IQCF3: variants seen among roughly 807,000 people sequenced by gnomAD.
IQCF3 encodes IQ motif containing F3.
In IQCF3, 7 loss-of-function variants were observed where a neutral mutation model predicts 5.1. The ratio of observed to expected loss-of-function variants is 1.36; its 90% CI spans 0.78 to 2.56. The LOEUF (loss-of-function observed/expected upper bound fraction) is 2.56. Among genes scored for constraint, IQCF3 ranks in the 30% most tolerant of loss-of-function variants. The pLI, the probability that IQCF3 is intolerant of heterozygous loss-of-function variation, is 0.00. For missense variants in IQCF3, 189 were observed against 196.5 expected, an observed-to-expected ratio of 0.96 and a Z score of 0.23; for synonymous variants, 82 against 72.8, an observed-to-expected ratio of 1.13 and a Z score of -0.64.
chr3:51,829,298 G>A, upstream of IQCF3: 3 of 659,290 alleles, frequency 4.6e-6, no homozygotes, highest in Non-Finnish European at 5.4e-6. Context: ...AAGTCAACAG[G>A]AGAGCCAGGT....
chr3:51,829,784 G>A, intron 2 of IQCF3, 72 bp downstream of exon 2: 1 of 1,462,770 alleles, frequency 6.8e-7, no homozygotes, highest in Admixed American at 1.8e-5. Context: ...TTAGAATGGA[G>A]ATCCATCTCT....
In IQCF3 at chr3:51,830,316, C is replaced by T; in HGVS notation, c.67-87C>T. Reference sequence around the variant, plus strand: ...ACCCAGGTCTCCTGGGTCCTCAAAACCAGCAGGGAGAGGGCTGATTCTTTA... The same window carrying T: ...ACCCAGGTCTCCTGGGTCCTCAAAATCAGCAGGGAGAGGGCTGATTCTTTA... On this transcript the variant is annotated intron_variant, in intron 2 of 2. Transcript: ENST00000440739. The surrounding 1 kb of genome is among the most constrained non-coding windows in gnomAD (Gnocchi z 4.1). 6.8e-7 allele frequency: 1 copy of T among 1,476,330 alleles called. No homozygotes were observed. Among genetic ancestry groups the T allele is most frequent in the South Asian group, 1.4e-5 (1 of 71,640 alleles). 91.5% of individuals were successfully genotyped at this position (1,476,330 alleles called of 1,614,324 possible).
At chr3:51,829,830 C>A in intron 2 of IQCF3, 118 bp downstream of exon 2, 2 of 1,016,124 alleles carry the variant, frequency 2.0e-6, no homozygotes, top group Non-Finnish European at 3.0e-6. Context: ...TCAAGCCCTC[C>A]CTCTCCTTGG....
upstream of IQCF3, chr3:51,827,494 T>A (rs1189701908): frequency 6.6e-6 from 1 of 152,012 alleles, no homozygotes; most frequent in Non-Finnish European, 1.5e-5. Context: ...ATACTGTCCT[T>A]TTTTATTAAT....
Position 51,830,747 on chromosome 3 carries a change from A to G in IQCF3, c.411A>G (p.Gln137=), listed in dbSNP as rs1463790805. The change falls in exon 3 of 3, where the codon CAA becomes CAG. Residue 137 remains glutamine, a synonymous_variant. Coordinates refer to ENST00000440739, the MANE Select transcript of IQCF3 (RefSeq NM_001393887.1). The surrounding 1 kb of genome is among the most constrained non-coding windows in gnomAD (Gnocchi z 4.1). ...AGACTGATGGCTTTTTACAGGTCCA[A>G]TATGCAATCCCTTCAAAGCAGCCAG... ...AFQTDGFLQV[Q]YAIPSKQPEF... The G allele has an allele frequency of 6.2e-7, 1 of 1,610,756 alleles. No homozygotes were observed. Among genetic ancestry groups the G allele is most frequent in the South Asian group, 1.1e-5 (1 of 90,632 alleles).
At chr3:51,828,839 G>T (rs1473407281), upstream of IQCF3, 2 of 152,050 alleles carry the variant, frequency 1.3e-5, no homozygotes, top group Admixed American at 1.3e-4. Context: ...CAATTTCAGA[G>T]CTCATTATTA....
rs371503129 is a variant in IQCF3, at chr3:51,830,756, C to A, written c.420C>A (p.Ile140=). ...TDGFLQVQYA[I]PSKQPEFHIE... ...GCTTTTTACAGGTCCAATATGCAAT[C>A]CCTTCAAAGCAGCCAGAGTTCCACA... Residue 140 remains isoleucine, a synonymous_variant, in exon 3 of 3, where the codon ATC becomes ATA. Transcript: ENST00000440739. This position sits in a 1 kb window ranked among gnomAD's most constrained non-coding sequence, Gnocchi z 4.1. 10 of 1,600,466 alleles carry A rather than the reference C, an allele frequency of 6.2e-6. No individual in the cohort carries two copies. In the African/African-American group the frequency reaches 1.3e-4, roughly 21 times the overall value.
Position 51,830,626 on chromosome 3 carries a change from A to T in IQCF3, c.290A>T (p.Gln97Leu). 8.1e-6 allele frequency: 13 copies of T among 1,614,024 alleles called. No individual in the cohort carries two copies. Among genetic ancestry groups the T allele is most frequent in the Non-Finnish European group, 1.0e-5 (12 of 1,179,886 alleles). Residue 97 changes from glutamine to leucine, a missense_variant, in exon 3 of 3, where the codon CAG becomes CTG. Coordinates refer to ENST00000440739, the MANE Select transcript of IQCF3 (RefSeq NM_001393887.1). This position sits in a 1 kb window ranked among gnomAD's most constrained non-coding sequence, Gnocchi z 4.1. Reference protein sequence around the residue: ...VIQEQATVKLQSCIRMWQCRQ... With the variant: ...VIQEQATVKLLSCIRMWQCRQ... ...CAGGAGCAGGCGACGGTCAAGCTCC[A>T]GTCCTGCATCCGCATGTGGCAGTGC...
intron 1 of IQCF3, 64 bp from the exon 2 acceptor site, chr3:51,829,601 G>T (rs1362172906): frequency 6.2e-7 from 1 of 1,601,972 alleles, no homozygotes; most frequent in Non-Finnish European, 8.5e-7. Context: ...AACTGGGCCT[G>T]TGGGGACTTT....
At chr3:51,827,784 A>G (rs932394786), upstream of IQCF3, among the ~76,000 whole-genome samples, 5 of 152,078 alleles carry the variant, frequency 3.3e-5, no homozygotes, top group African/African-American at 1.2e-4. Flanking sequence ...AGTACTCAAT[A>G]GTTACTTTTC....
chr3:51,827,476 G>A (rs1437902813), upstream of IQCF3: 2 of 151,892 alleles, frequency 1.3e-5, no homozygotes, highest in Non-Finnish European at 2.9e-5. Context: ...GAATAAGACA[G>A]GAAATGCATA....
Position 51,830,582 on chromosome 3 carries a change from G to C in IQCF3, c.246G>C (p.Leu82=). 1.2e-6 allele frequency: 2 copies of C among 1,613,972 alleles called. No homozygotes were observed. The highest frequency in any genetic ancestry group is 1.7e-6 in the Non-Finnish European group (2 of 1,179,854). Residue 82 remains leucine (L), a synonymous_variant, in exon 3 of 3, where the codon CTG becomes CTC. Coordinates refer to ENST00000440739, the MANE Select transcript of IQCF3 (RefSeq NM_001393887.1). This position sits in a 1 kb window ranked among gnomAD's most constrained non-coding sequence, Gnocchi z 4.1. The part of the protein sequence containing the change: ...QRRIRQRRQA[L]LRVYVIQEQA... ...GGATCCGTCAGCGGCGGCAGGCCCT[G>C]TTGAGGGTCTACGTCATCCAGGAGC...
chr3:51,829,878 G>A, intron 2 of IQCF3, 166 bp downstream of exon 2: 1 of 699,356 alleles, frequency 1.4e-6, no homozygotes, highest in Non-Finnish European at 2.4e-6. Flanking sequence ...AGTAAAAGGG[G>A]AGGAAGTTTC....
chr3:51,829,777 G>T, intron 2 of IQCF3, 65 bp downstream of exon 2: 1 of 1,504,288 alleles, frequency 6.6e-7, no homozygotes, highest in South Asian at 1.2e-5. Flanking sequence ...AGAGTTCTTA[G>T]AATGGAGATC....
intron 2 of IQCF3, 49 bp downstream of exon 2, chr3:51,829,761 GATC>G: frequency 6.4e-7 from 1 of 1,567,044 alleles, no homozygotes; most frequent in Middle Eastern, 1.7e-4. Context: ...TTGACTCTTT[GATC>G]CCAGAGTTCT....
Position 51,830,664 on chromosome 3 carries a change from C to G in IQCF3, c.328C>G (p.Arg110Gly), listed in dbSNP as rs186700809. 49 of 1,614,040 alleles carry G rather than the reference C, an allele frequency of 3.0e-5. No individual in the cohort carries two copies. Among genetic ancestry groups the G allele is most frequent in the Non-Finnish European group, 4.0e-5 (47 of 1,179,896 alleles). ...IRMWQCRQCYRQMCNALCLFQ... is the reference protein window; with the variant it reads ...IRMWQCRQCYGQMCNALCLFQ... ...CATGTGGCAGTGCCGGCAATGTTAC[C>G]GCCAAATGTGCAATGCTCTCTGCTT... The change falls in exon 3 of 3, where the codon CGC becomes GGC. Residue 110 changes from arginine to glycine, a missense_variant. Transcript: ENST00000440739. The surrounding 1 kb of genome is among the most constrained non-coding windows in gnomAD (Gnocchi z 4.1).
rs1020909508 is a variant in IQCF3 at position 51,830,628 on chromosome 3, T to G, written c.292T>G (p.Ser98Ala). 4 of 1,613,902 alleles carry G rather than the reference T, an allele frequency of 2.5e-6. No homozygotes were observed. The highest frequency in any genetic ancestry group is 3.4e-6 in the Non-Finnish European group (4 of 1,179,898). ...GGAGCAGGCGACGGTCAAGCTCCAG[T>G]CCTGCATCCGCATGTGGCAGTGCCG... ...IQEQATVKLQSCIRMWQCRQC... is the reference protein window; with the variant it reads ...IQEQATVKLQACIRMWQCRQC... The change falls in exon 3 of 3, where the codon TCC (serine) becomes GCC (alanine). Residue 98 changes from serine to alanine, a missense_variant. By Grantham distance (99) the Ser-to-Ala change is moderately conservative. Coordinates refer to ENST00000440739, the MANE Select transcript of IQCF3 (RefSeq NM_001393887.1). This position sits in a 1 kb window ranked among gnomAD's most constrained non-coding sequence, Gnocchi z 4.1.
At chr3:51,829,208 C>A, upstream of IQCF3, 2 of 512,528 alleles carry the variant, frequency 3.9e-6, no homozygotes, top group South Asian at 2.5e-5. Flanking sequence ...GAAAGGCAAC[C>A]ATGAAAAAAG....
chr3:51,829,079 A>G (rs1698328014), upstream of IQCF3, among the ~76,000 whole-genome samples: 1 of 152,244 alleles, frequency 6.6e-6, no homozygotes, highest in African/African-American at 2.4e-5. Context: ...GTAGACCAGA[A>G]TCTAATAGAA....
Sources: allele counts gnomAD v4.1 joint callset (sites outside exome capture counted in the v4.1 genomes callset), GRCh38; gene constraint gnomAD v4.1.1; non-coding constraint Gnocchi (gnomAD v3.1); transcripts MANE v1.5; gene names NCBI Gene and HGNC (gene_info 2026-07-23, HGNC 2026-07-21).